The following FAM227B variants were observed in gnomAD, a reference collection of about 807,000 sequenced individuals.
The protein encoded by FAM227B is family with sequence similarity 227 member B.
In FAM227B, 88 loss-of-function variants were observed where a neutral mutation model predicts 73.8. The ratio of observed to expected loss-of-function variants is 1.19; its 90% CI spans 1.00 to 1.42. The LOEUF is 1.42. Among genes scored for constraint, FAM227B ranks in the 40% most tolerant of loss-of-function variants. The pLI is 0.00. For synonymous variants in FAM227B, 210 were observed against 190.5 expected (o/e 1.10, Z -0.84); for missense variants, 632 against 590.9 (o/e 1.07, Z -0.72).
At chr15:49,577,351 A>G in intron 6 of FAM227B, 1 of 382,064 alleles carries the variant, frequency 2.6e-6, no homozygotes, top group Non-Finnish European at 4.8e-6. Context: ...CTTTGAAATT[A>G]AGAACCCTAG....
intron 10 of FAM227B, among the ~76,000 whole-genome samples, chr15:49,525,677 T>C (rs1346075729): frequency 2.4e-3 from 91 of 38,198 alleles, no homozygotes; most frequent in East Asian, 0.012. Context: ...TATATATATA[T>C]ATATATATAT....
intron 9 of FAM227B, among the ~76,000 whole-genome samples, chr15:49,559,139 C>T (rs904531898): frequency 6.6e-6 from 1 of 151,996 alleles, no homozygotes; most frequent in Non-Finnish European, 1.5e-5. Context: ...AGTCATGAGC[C>T]CTGGAACAAT....
chr15:49,332,086 G>GCC (rs60385595), intron 14 of FAM227B, among the ~76,000 whole-genome samples: 1,461 of 92,680 alleles, frequency 0.016, 26 homozygotes, highest in African/African-American at 0.072. Context: ...GTGCACACGT[G>GCC]CCACACACAC....
intron 11 of FAM227B, among the ~76,000 whole-genome samples, chr15:49,395,226 T>G (rs143269524): frequency 1.4e-4 from 21 of 152,328 alleles, no homozygotes; most frequent in African/African-American, 5.1e-4. Flanking sequence ...TCTATTGCTT[T>G]GTTTTCAACT....
At chr15:49,441,764 C>T (rs2051671071) in intron 11 of FAM227B, among the ~76,000 whole-genome samples, 1 of 150,930 alleles carries the variant, frequency 6.6e-6, no homozygotes, top group Admixed American at 6.6e-5. Flanking sequence ...AATTATTATT[C>T]TTAATAGCAG....
intron 11 of FAM227B, among the ~76,000 whole-genome samples, chr15:49,506,127 TA>T (rs1433477417): frequency 6.6e-6 from 1 of 151,914 alleles, no homozygotes; most frequent in Admixed American, 6.6e-5. Context: ...TCAATAACAT[TA>T]AAGGGAGAAA....
intron 15 of FAM227B, chr15:49,329,820 A>AG: frequency 1.1e-6 from 1 of 882,946 alleles, no homozygotes; most frequent in Non-Finnish European, 1.4e-6. Flanking sequence ...AAAAAAAAAA[A>AG]AAAGGCACCT....
chr15:49,423,985 C>T, intron 11 of FAM227B: 3 of 244,510 alleles, frequency 1.2e-5, no homozygotes, highest in African/African-American at 2.2e-5. Context: ...AATTTTTTAT[C>T]TTCCTCTCTC....
At chr15:49,541,927 G>A (rs921159623) in intron 9 of FAM227B, 121 bp from the exon 10 acceptor site, 5 of 814,370 alleles carry the variant, frequency 6.1e-6, no homozygotes, top group Non-Finnish European at 8.3e-6. Context: ...ATAAAAATTC[G>A]CCATTTTTTA....
intron 11 of FAM227B, among the ~76,000 whole-genome samples, chr15:49,463,546 G>A (rs534457365): frequency 3.4e-4 from 36 of 106,290 alleles, no homozygotes; most frequent in African/African-American, 1.4e-3. Flanking sequence ...GTGAGATTCC[G>A]TCTCAAAAAA....
intron 14 of FAM227B, among the ~76,000 whole-genome samples, chr15:49,334,957 AATT>A (rs1417253197): frequency 6.6e-6 from 1 of 152,162 alleles, no homozygotes; most frequent in Non-Finnish European, 1.5e-5. Context: ...TTATTTTATA[AATT>A]ATTATGAATA....
intron 11 of FAM227B, chr15:49,396,011 G>A (rs1335082627): frequency 2.2e-6 from 1 of 455,586 alleles, no homozygotes; most frequent in African/African-American, 2.0e-5. Context: ...GGCCAAATAG[G>A]AACAGCTCCG....
At position 49,327,839 on chromosome 15, in the gene FAM227B, C is replaced by T; in HGVS notation, c.*729G>A. The T allele has an allele frequency of 1.1e-6, 1 of 951,914 alleles. No individual in the cohort carries two copies. Among genetic ancestry groups the T allele is most frequent in the Non-Finnish European group, 1.5e-6 (1 of 653,188 alleles). The allele number at this position is 951,914 out of a possible 1,614,324, so 59.0% of individuals were successfully genotyped here. On this transcript the variant is annotated 3_prime_UTR_variant, in exon 16 of 16. Transcript: ENST00000299338. Reference sequence around the variant, plus strand: ...AAAATGTTTGATGACACCTAAAAACCCCGCATGTATTTTCTTCTTAGAACT... The same window carrying T: ...AAAATGTTTGATGACACCTAAAAACTCCGCATGTATTTTCTTCTTAGAACT...
intron 15 of FAM227B, chr15:49,329,372 G>C (rs887478981): frequency 3.0e-6 from 3 of 984,864 alleles, no homozygotes; most frequent in Non-Finnish European, 3.6e-6. Flanking sequence ...GAAATACTCA[G>C]GTAATTGAGA....
chr15:49,475,815 G>A (rs544775876), intron 11 of FAM227B, among the ~76,000 whole-genome samples: 4 of 152,004 alleles, frequency 2.6e-5, no homozygotes, highest in East Asian at 3.9e-4. Flanking sequence ...TGGCAAAACC[G>A]GGTCTCTACT....
rs537970945 is a variant in FAM227B at position 49,371,487 on chromosome 15, T to C, written c.1013-88A>G. ...TGATACCTCTTTCGCCTTTTAACAA[T>C]GCACCCTAAACATGGAGAAAGGCAA... On this transcript the variant is annotated intron_variant, in intron 11 of 15. Coordinates refer to ENST00000299338, the MANE Select transcript of FAM227B (RefSeq NM_152647.3). 9.7e-4 allele frequency: 686 copies of C among 706,474 alleles called. 12 individuals are homozygous for C. In the South Asian group the frequency reaches 0.011, roughly 12 times the overall value. The allele number at this position is 706,474 out of a possible 1,614,324, so 43.8% of individuals were successfully genotyped here. A position where few individuals can be genotyped will look rare whatever the true frequency, so the allele number is the denominator to read the frequency against.
At chr15:49,531,946 GT>G (rs1211279107) in intron 10 of FAM227B, among the ~76,000 whole-genome samples, 3 of 151,134 alleles carry the variant, frequency 2.0e-5, no homozygotes, top group African/African-American at 7.3e-5. Flanking sequence ...TAGTTACTTT[GT>G]CTATTAAATG....
intron 10 of FAM227B, among the ~76,000 whole-genome samples, chr15:49,512,757 T>C (rs2059101935): frequency 6.6e-6 from 1 of 151,874 alleles, no homozygotes; most frequent in Admixed American, 6.6e-5. Flanking sequence ...CCTCACCCTC[T>C]CCCCACTCGA....
intron 9 of FAM227B, among the ~76,000 whole-genome samples, chr15:49,562,799 C>T (rs1354013331): frequency 5.3e-5 from 8 of 152,042 alleles, no homozygotes; most frequent in Non-Finnish European, 1.0e-4. Flanking sequence ...AATTCAACAT[C>T]CCTTTATGAT....
Sources: allele counts gnomAD v4.1 joint callset (sites outside exome capture counted in the v4.1 genomes callset), GRCh38; gene constraint gnomAD v4.1.1; transcripts MANE v1.5; gene names NCBI Gene and HGNC (gene_info 2026-07-23, HGNC 2026-07-21).